Variants in KAZN observed in about 807,000 individuals in gnomAD.
KAZN encodes kazrin.
A neutral mutation model predicts 87.4 loss-of-function variants in KAZN; 40 were observed. That is an observed-to-expected ratio of 0.46 (90% CI 0.36 to 0.60). The LOEUF (loss-of-function observed/expected upper bound fraction) is 0.60. Among genes scored for constraint, KAZN ranks in the 20% least tolerant of loss-of-function variants. KAZN has a pLI of 0.00. For synonymous variants in KAZN, 466 were observed against 458.3 expected, an observed-to-expected ratio of 1.02 and a Z score of -0.22; for missense variants, 898 against 1,073.9, an observed-to-expected ratio of 0.84 and a Z score of 2.29.
At chr1:14,673,166 G>A (rs914487364) in intron 1 of KAZN, among the ~76,000 whole-genome samples, 2 of 152,188 alleles carry the variant, frequency 1.3e-5, no homozygotes, top group Non-Finnish European at 2.9e-5. Flanking sequence ...AGCAAGAGAC[G>A]GAGGCCCTTC....
intron 1 of KAZN, among the ~76,000 whole-genome samples, chr1:14,606,883 C>T (rs1250250312): frequency 6.6e-6 from 1 of 152,138 alleles, no homozygotes; most frequent in Non-Finnish European, 1.5e-5. Context: ...CCAGAAGTTG[C>T]CAAATGTCCC....
Position 14,014,613 on chromosome 1 carries a change from AAAG to A in KAZN, c.91+120863_91+120865del, listed in dbSNP as rs1171826855. On this transcript the variant is annotated intron_variant, in intron 1 of 16. Coordinates refer to the KAZN transcript ENST00000636203. ...TTTTAAAGGGTTAGGAAAAAAATCA[AAAG>A]AAGAATAATATTTTGTTACATAAAT... Among the ~76,000 whole-genome samples, 5 of 152,328 alleles carry A rather than the reference AAAG, an allele frequency of 3.3e-5. No individual in the cohort carries two copies. The East Asian group carries it at 7.7e-4, about 23-fold the overall frequency.
At chr1:14,929,370 A>T (rs1025403768) in intron 1 of KAZN, among the ~76,000 whole-genome samples, 3 of 152,230 alleles carry the variant, frequency 2.0e-5, no homozygotes, top group African/African-American at 7.2e-5. Flanking sequence ...CATAATGGGC[A>T]CCAAGCACCA....
At chr1:14,241,741 TGC>T (rs1648954134) in intron 2 of KAZN, among the ~76,000 whole-genome samples, 1 of 152,176 alleles carries the variant, frequency 6.6e-6, no homozygotes, top group Non-Finnish European at 1.5e-5. Context: ...GGAGGAGATA[TGC>T]TGTATTGAAG....
intron 1 of KAZN, among the ~76,000 whole-genome samples, chr1:14,081,840 C>T (rs1643684330): frequency 6.6e-6 from 1 of 152,168 alleles, no homozygotes; most frequent in Non-Finnish European, 1.5e-5. Context: ...GCAGCCTTAA[C>T]CTTCCGGGCT....
chr1:14,480,744 T>C (rs909178423), intron 2 of KAZN, among the ~76,000 whole-genome samples: 1 of 145,780 alleles, frequency 6.9e-6, no homozygotes, highest in Non-Finnish European at 1.5e-5. Context: ...ATATACTATA[T>C]ATGTATTTAT....
intron 1 of KAZN, among the ~76,000 whole-genome samples, chr1:14,739,675 T>G (rs1014898143): frequency 6.6e-6 from 1 of 151,942 alleles, no homozygotes; most frequent in Non-Finnish European, 1.5e-5. Context: ...CTTTTTTTTT[T>G]GTATTGTTTG....
chr1:15,073,596 G>T (rs1189910441), intron 8 of KAZN, among the ~76,000 whole-genome samples: 1 of 152,164 alleles, frequency 6.6e-6, no homozygotes, highest in Non-Finnish European at 1.5e-5. Context: ...GCACTCTGGA[G>T]TATCTGACGC....
At chr1:14,115,074 G>A (rs1327691466) in intron 1 of KAZN, among the ~76,000 whole-genome samples, 1 of 152,188 alleles carries the variant, frequency 6.6e-6, no homozygotes, top group Admixed American at 6.5e-5. Flanking sequence ...GACTGAGTGG[G>A]TTAAAGAGCA....
chr1:14,566,217 G>A (rs537790450), intron 2 of KAZN, among the ~76,000 whole-genome samples: 57 of 152,156 alleles, frequency 3.7e-4, no homozygotes, highest in African/African-American at 7.0e-4. Flanking sequence ...TATGAAAATA[G>A]CATTAATCTC....
At chr1:14,279,830 C>T (rs138157362) in intron 2 of KAZN, among the ~76,000 whole-genome samples, 1 of 152,236 alleles carries the variant, frequency 6.6e-6, no homozygotes, top group East Asian at 1.9e-4. Context: ...GTGACGAGAA[C>T]ATAAGGTGAG....
At chr1:14,417,163 G>A (rs1368156192) in intron 2 of KAZN, among the ~76,000 whole-genome samples, 2 of 147,010 alleles carry the variant, frequency 1.4e-5, no homozygotes, top group African/African-American at 2.6e-5. Flanking sequence ...GGGCAACAGA[G>A]CCAGACTCTG....
At chr1:14,486,365 G>A (rs904850822) in intron 2 of KAZN, among the ~76,000 whole-genome samples, 8 of 152,186 alleles carry the variant, frequency 5.3e-5, no homozygotes, top group Non-Finnish European at 1.2e-4. Context: ...TTAACATAAT[G>A]TATGTTGTGG....
chr1:14,874,338 T>A (rs2690021), intron 1 of KAZN, among the ~76,000 whole-genome samples: 72,146 of 151,932 alleles, frequency 0.47, 17,358 homozygotes, highest in Non-Finnish European at 0.51. Context: ...GAAGAGAGTG[T>A]TCAACTGTTA....
At chr1:14,455,348 A>G (rs1299795366) in intron 2 of KAZN, among the ~76,000 whole-genome samples, 1 of 152,186 alleles carries the variant, frequency 6.6e-6, no homozygotes. Flanking sequence ...TTGAGGACAG[A>G]GATATCATGT....
At chr1:14,895,984 A>G (rs1655218712) in intron 1 of KAZN, among the ~76,000 whole-genome samples, 1 of 152,152 alleles carries the variant, frequency 6.6e-6, no homozygotes, top group Non-Finnish European at 1.5e-5. Flanking sequence ...GCCAGGCAAC[A>G]ATCTGAAGTA....
chr1:14,205,670 G>A (rs1159860275), intron 2 of KAZN, among the ~76,000 whole-genome samples: 2 of 151,718 alleles, frequency 1.3e-5, no homozygotes, highest in Non-Finnish European at 2.9e-5. Flanking sequence ...AGATCACGAG[G>A]TCAGGAGATC....
intron 2 of KAZN, among the ~76,000 whole-genome samples, chr1:14,434,910 CTG>C (rs917083792): frequency 2.2e-4 from 33 of 152,286 alleles, no homozygotes; most frequent in African/African-American, 7.7e-4. Flanking sequence ...TCTTTATCCA[CTG>C]TGCTGCTGAC....
chr1:13,955,015 T>C (rs1641491429), intron 1 of KAZN, among the ~76,000 whole-genome samples: 1 of 152,214 alleles, frequency 6.6e-6, no homozygotes, highest in African/African-American at 2.4e-5. Context: ...CATTTTCACT[T>C]TGACTGTGTA....
Sources: gnomAD v4.1 joint callset for allele counts (sites outside exome capture counted in the v4.1 genomes callset) on GRCh38, gnomAD v4.1.1 for gene constraint, MANE v1.5 for transcripts, NCBI Gene and HGNC (gene_info 2026-07-23, HGNC 2026-07-21) for gene names.